The following ITCH variants were observed in gnomAD, a reference collection of about 807,000 sequenced individuals.
ITCH encodes E3 ubiquitin-protein ligase Itchy homolog.
A neutral mutation model predicts 126.8 loss-of-function variants in ITCH; 28 were observed. That is an observed-to-expected ratio of 0.22 (90% CI 0.16 to 0.30). The LOEUF (loss-of-function observed/expected upper bound fraction) is 0.30, where lower values mean the gene tolerates loss of function less well. Among genes scored for constraint, ITCH ranks in the 10% least tolerant of loss-of-function variants. The pLI is 1.00. For missense variants in ITCH, 631 were observed against 1,032.4 expected (o/e 0.61, Z 5.33); for synonymous variants, 342 against 340.0 (o/e 1.01, Z -0.06).
At chr20:34,405,419 C>T (rs929240522) in intron 3 of ITCH, among the ~76,000 whole-genome samples, 7 of 152,038 alleles carry the variant, frequency 4.6e-5, no homozygotes, top group African/African-American at 1.2e-4. Flanking sequence ...GCAGGAGAAT[C>T]GCTTGAACCC....
chr20:34,370,627 A>G (rs1467302897), intron 2 of ITCH, among the ~76,000 whole-genome samples: 4 of 150,288 alleles, frequency 2.7e-5, no homozygotes, highest in Admixed American at 6.7e-5. Flanking sequence ...TCGTGCCACT[A>G]TACTCCAGCC....
At chr20:34,507,084 G>C (rs1460826423) in intron 24 of ITCH, among the ~76,000 whole-genome samples, 1 of 151,834 alleles carries the variant, frequency 6.6e-6, no homozygotes, top group Non-Finnish European at 1.5e-5. Context: ...CAGTTGTTTT[G>C]GGTATATACC....
intron 2 of ITCH, among the ~76,000 whole-genome samples, chr20:34,387,434 T>C (rs931404808): frequency 1.3e-5 from 2 of 152,042 alleles, no homozygotes; most frequent in Non-Finnish European, 2.9e-5. Flanking sequence ...AGTTCGAGAC[T>C]AGCCCGGGCA....
At chr20:34,499,366 T>A (rs1456592771) in intron 23 of ITCH, among the ~76,000 whole-genome samples, 1 of 146,522 alleles carries the variant, frequency 6.8e-6, no homozygotes, top group Admixed American at 6.9e-5. Context: ...TTATTACAGA[T>A]TCAGTCATGT....
chr20:34,418,818 A>G (rs1194441890), intron 6 of ITCH, among the ~76,000 whole-genome samples: 1 of 141,474 alleles, frequency 7.1e-6, no homozygotes, highest in African/African-American at 2.7e-5. Context: ...CTGGAGTGCA[A>G]TGGCGCGATC....
At chr20:34,401,133 T>TTCGTTTCTTCTTATCATTTAGCCA (rs1425884732) in intron 3 of ITCH, among the ~76,000 whole-genome samples, 4 of 152,308 alleles carry the variant, frequency 2.6e-5, no homozygotes, top group Admixed American at 1.3e-4. Context: ...GAATCAGCTC[T>TTCGTTTCTTCTTATCATTTAGCCA]TCGTTTCTTC....
rs1182982456 is a variant in ITCH, at chr20:34,449,473, T to C, written c.1203T>C (p.Pro401=). 6.2e-7 allele frequency: 1 copy of C among 1,600,658 alleles called. No homozygotes were observed. ...KEFDPLGPLP[P]GWEKRTDSNG... Reference sequence around the variant, plus strand: ...TTGATCCTCTTGGTCCATTGCCACCTGGATGGGGTAAGTCACATGAGTTTC... The same window carrying C: ...TTGATCCTCTTGGTCCATTGCCACCCGGATGGGGTAAGTCACATGAGTTTC... Residue 401 remains proline, a synonymous_variant, in exon 12 of 25, where the codon CCT becomes CCC. Transcript: ENST00000374864.
intron 23 of ITCH, among the ~76,000 whole-genome samples, chr20:34,497,223 C>T (rs1367737583): frequency 6.6e-6 from 1 of 152,138 alleles, no homozygotes; most frequent in Admixed American, 6.6e-5. Flanking sequence ...TCTTGAACTC[C>T]TAACCTTGTG....
intron 6 of ITCH, among the ~76,000 whole-genome samples, 197 bp from the exon 7 acceptor site, chr20:34,424,283 A>G (rs1337788293): frequency 6.6e-6 from 1 of 152,212 alleles, no homozygotes; most frequent in Admixed American, 6.5e-5. Flanking sequence ...GCATTTGCAC[A>G]AAATTTTGGC....
chr20:34,406,766 C>T (rs1223729852), intron 3 of ITCH, among the ~76,000 whole-genome samples: 1 of 151,978 alleles, frequency 6.6e-6, no homozygotes, highest in African/African-American at 2.4e-5. Context: ...GATCTCCTGA[C>T]CTCGTGATCC....
chr20:34,372,975 CTTTT>C (rs749322692), intron 2 of ITCH, among the ~76,000 whole-genome samples: 3 of 139,216 alleles, frequency 2.2e-5, no homozygotes, highest in Non-Finnish European at 3.2e-5. Context: ...GAATGTATTC[CTTTT>C]TTTTTTTTTT....
intron 20 of ITCH, among the ~76,000 whole-genome samples, chr20:34,482,517 T>TC (rs747362952): frequency 6.6e-6 from 1 of 152,182 alleles, no homozygotes; most frequent in Non-Finnish European, 1.5e-5. Flanking sequence ...AGTCAAATCT[T>TC]CAAGTTCCAA....
At chr20:34,364,432 G>C (rs2037329847) in intron 1 of ITCH, among the ~76,000 whole-genome samples, 1 of 152,030 alleles carries the variant, frequency 6.6e-6, no homozygotes, top group Non-Finnish European at 1.5e-5. Context: ...GATAGAATTC[G>C]ATCTTCAGGA....
intron 2 of ITCH, among the ~76,000 whole-genome samples, chr20:34,375,361 T>C (rs1273011396): frequency 6.8e-6 from 1 of 147,682 alleles, no homozygotes; most frequent in East Asian, 2.0e-4. Flanking sequence ...TTTTTTTTAA[T>C]GGAGGTAAAA....
At chr20:34,445,612 G>A (rs1017230848) in intron 11 of ITCH, 151 bp downstream of exon 11, 5 of 685,230 alleles carry the variant, frequency 7.3e-6, no homozygotes, top group Admixed American at 2.7e-5. Flanking sequence ...CCTTGTCTGG[G>A]GTATTCTGTG....
At position 34,507,795 on chromosome 20, in the gene ITCH, C is replaced by A; in HGVS notation, c.*1C>A. ...AACAGAAGGATTTGGACAAGAGTAA[C>A]TTCTGAGAACTTGCACCATGAATGG... On this transcript the variant is annotated 3_prime_UTR_variant, in exon 25 of 25. Coordinates refer to ENST00000374864, the MANE Select transcript of ITCH (RefSeq NM_031483.7). 1 of 1,607,714 alleles carries A rather than the reference C, an allele frequency of 6.2e-7. No individual in the cohort carries two copies. Among genetic ancestry groups the A allele is most frequent in the Non-Finnish European group, 8.5e-7 (1 of 1,174,336 alleles).
At chr20:34,383,654 C>A (rs2038153401) in intron 2 of ITCH, among the ~76,000 whole-genome samples, 1 of 151,810 alleles carries the variant, frequency 6.6e-6, no homozygotes, top group South Asian at 2.1e-4. Context: ...GCATGAGCCA[C>A]TGTCACTGTG....
chr20:34,499,558 AT>A (rs1990118510), intron 23 of ITCH, among the ~76,000 whole-genome samples: 2 of 145,448 alleles, frequency 1.4e-5, no homozygotes, highest in African/African-American at 5.0e-5. Flanking sequence ...TTCGTTTCTG[AT>A]TTCATTTATT....
intron 20 of ITCH, among the ~76,000 whole-genome samples, chr20:34,483,647 A>G (rs1988915081): frequency 6.6e-6 from 1 of 152,204 alleles, no homozygotes; most frequent in Non-Finnish European, 1.5e-5. Flanking sequence ...AAAGCCATTC[A>G]ACAAGTCTAT....
Sources: allele counts gnomAD v4.1 joint callset (sites outside exome capture counted in the v4.1 genomes callset), GRCh38; gene constraint gnomAD v4.1.1; transcripts MANE v1.5; gene names NCBI Gene and HGNC (gene_info 2026-07-23, HGNC 2026-07-21).